Variants in PKIB observed in about 807,000 individuals in gnomAD.
PKIB encodes cAMP-dependent protein kinase inhibitor beta.
A neutral mutation model predicts 4.5 loss-of-function variants in PKIB; 2 were observed. That is an observed-to-expected ratio of 0.44 (90% CI 0.18 to 1.39). PKIB has a LOEUF of 1.39. Among genes scored for constraint, PKIB ranks in the 40% most tolerant of loss-of-function variants. PKIB has a pLI of 0.27. For missense variants in PKIB, 94 were observed against 92.6 expected, an observed-to-expected ratio of 1.02 and a Z score of -0.06; for synonymous variants, 38 against 36.0, an observed-to-expected ratio of 1.06 and a Z score of -0.20.
intron 2 of PKIB, among the ~76,000 whole-genome samples, chr6:122,550,590 T>C (rs1772648624): frequency 6.6e-6 from 1 of 152,204 alleles, no homozygotes. Flanking sequence ...AATATCATTC[T>C]TATCAGGTAA....
upstream of PKIB, among the ~76,000 whole-genome samples, chr6:122,608,157 T>C (rs993517043): frequency 1.3e-5 from 2 of 152,210 alleles, no homozygotes; most frequent in Non-Finnish European, 2.9e-5. Flanking sequence ...CTACAACTTA[T>C]CTCTCTCATT....
At chr6:122,539,017 T>C (rs1286034479) in intron 2 of PKIB, among the ~76,000 whole-genome samples, 2 of 152,096 alleles carry the variant, frequency 1.3e-5, no homozygotes, top group African/African-American at 4.8e-5. Context: ...CTTCTGATTT[T>C]TGTACATTGA....
rs550118671 is a variant in PKIB, at chr6:122,694,705, A to G, written c.-9+19561A>G. On this transcript the variant is annotated intron_variant, in intron 3 of 4. Transcript: ENST00000368452. ...GATGGCAAAGCTATAAAAAGAAAAT[A>G]TCCAAAGCTCATAAAAAAATTCGAA... is the stretch of plus-strand genomic sequence containing the variant. Among the ~76,000 whole-genome samples, 3 of 152,348 alleles carry G rather than the reference A, an allele frequency of 2.0e-5. No individual in the cohort carries two copies. The South Asian group carries it at 6.2e-4, about 32-fold the overall frequency.
intron 2 of PKIB, among the ~76,000 whole-genome samples, chr6:122,540,844 G>A (rs1429744166): frequency 6.6e-6 from 1 of 150,866 alleles, no homozygotes; most frequent in Non-Finnish European, 1.5e-5. Context: ...CTCAGGACTT[G>A]CTTTATGAAT....
At position 122,489,171 on chromosome 6, in the gene PKIB, A is replaced by AT. The variant is rs202230318; in HGVS notation, c.-248+11239dup. On this transcript the variant is annotated intron_variant, in intron 2 of 6. Transcript: ENST00000392491. ...GACAGGAAGTAAAAAGAATTAATAGATTTTTTTAAAGAAGGGGGAAAAATA... is the reference window on the plus strand; with the variant it reads ...GACAGGAAGTAAAAAGAATTAATAGATTTTTTTTAAAGAAGGGGGAAAAATA... Among the ~76,000 whole-genome samples the AT allele has an allele frequency of 5.0e-3, 763 of 152,034 alleles. 7 individuals carry two copies. Among genetic ancestry groups the AT allele is most frequent in the African/African-American group, 0.017 (709 of 41,494 alleles).
intron 2 of PKIB, among the ~76,000 whole-genome samples, chr6:122,650,822 T>C (rs1376510354): frequency 1.3e-5 from 2 of 152,226 alleles, no homozygotes; most frequent in African/African-American, 4.8e-5. Context: ...AAATTTATTC[T>C]ACTATTTCGA....
At chr6:122,529,999 C>T (rs181115515) in intron 2 of PKIB, among the ~76,000 whole-genome samples, 2 of 152,086 alleles carry the variant, frequency 1.3e-5, no homozygotes, top group East Asian at 3.9e-4. Flanking sequence ...CTATTTTCAG[C>T]CATTATTTTT....
intron 2 of PKIB, among the ~76,000 whole-genome samples, chr6:122,582,461 A>G (rs1773730674): frequency 6.6e-6 from 1 of 152,114 alleles, no homozygotes; most frequent in Admixed American, 6.6e-5. Flanking sequence ...CCATAATGTG[A>G]CATTAAACAT....
intron 2 of PKIB, among the ~76,000 whole-genome samples, chr6:122,531,595 C>T (rs1467031152): frequency 6.6e-6 from 1 of 152,132 alleles, no homozygotes; most frequent in African/African-American, 2.4e-5. Flanking sequence ...ATTTCCTATG[C>T]TGCCTTCTCC....
chr6:122,499,921 C>A lies in PKIB; in HGVS notation c.-248+21982C>A, dbSNP rs113534976. Reference sequence around the variant, plus strand: ...GTAGCAATAACATTTAAGTGGAGATCCAACTCAAGAATGCAATTCCATTTA... The same window carrying A: ...GTAGCAATAACATTTAAGTGGAGATACAACTCAAGAATGCAATTCCATTTA... On this transcript the variant is annotated intron_variant, in intron 2 of 6. Transcript: ENST00000392491. 5.8e-4 allele frequency among the ~76,000 whole-genome samples: 88 copies of A among 152,126 alleles called. 1 individual carries two copies. Among genetic ancestry groups the A allele is most frequent in the Middle Eastern group, 3.4e-3 (1 of 294 alleles).
At chr6:122,697,711 G>A (rs919428189) in intron 3 of PKIB, among the ~76,000 whole-genome samples, 1 of 152,120 alleles carries the variant, frequency 6.6e-6, no homozygotes, top group African/African-American at 2.4e-5. Context: ...AATTAAAGTA[G>A]CTGCCTGGGG....
At chr6:122,537,647 A>G (rs1777448506) in intron 2 of PKIB, among the ~76,000 whole-genome samples, 1 of 152,158 alleles carries the variant, frequency 6.6e-6, no homozygotes, top group African/African-American at 2.4e-5. Context: ...ATACGTGTGC[A>G]TGTGTCTTTA....
chr6:122,613,864 G>A (rs1245588750), intron 1 of PKIB, among the ~76,000 whole-genome samples: 2 of 150,828 alleles, frequency 1.3e-5, no homozygotes, highest in Non-Finnish European at 2.9e-5. Flanking sequence ...TTGGGAGGCC[G>A]AGGTAGGAGT....
At chr6:122,683,139 G>A (rs1328241927) in intron 3 of PKIB, among the ~76,000 whole-genome samples, 1 of 152,114 alleles carries the variant, frequency 6.6e-6, no homozygotes, top group African/African-American at 2.4e-5. Context: ...AAATTTGGCA[G>A]TTATGGAATT....
intron 3 of PKIB, among the ~76,000 whole-genome samples, chr6:122,595,288 G>A (rs916383796): frequency 6.6e-6 from 1 of 152,112 alleles, no homozygotes; most frequent in Non-Finnish European, 1.5e-5. Flanking sequence ...TCACGTAGTT[G>A]GCATTGTAAT....
chr6:122,620,955 C>T (rs758078017), intron 1 of PKIB, among the ~76,000 whole-genome samples: 2 of 152,090 alleles, frequency 1.3e-5, no homozygotes, highest in Non-Finnish European at 2.9e-5. Flanking sequence ...ATCCAGACCA[C>T]CTTTTGATGA....
At chr6:122,497,701 AC>A (rs1776115626) in intron 2 of PKIB, among the ~76,000 whole-genome samples, 3 of 152,216 alleles carry the variant, frequency 2.0e-5, no homozygotes, top group Admixed American at 6.5e-5. Context: ...ACAATGGAGC[AC>A]CCAAATTAAT....
chr6:122,637,072 C>T (rs1775944035), intron 2 of PKIB, among the ~76,000 whole-genome samples: 1 of 152,022 alleles, frequency 6.6e-6, no homozygotes, highest in South Asian at 2.1e-4. Context: ...TTGATAAAAG[C>T]AGAACAATGA....
chr6:122,702,078 G>A (rs1778833076), intron 3 of PKIB, among the ~76,000 whole-genome samples: 1 of 152,116 alleles, frequency 6.6e-6, no homozygotes, highest in Admixed American at 6.5e-5. Flanking sequence ...AAGGAGACTT[G>A]CCAGTCTTGA....
Sources: allele counts gnomAD v4.1 joint callset (sites outside exome capture counted in the v4.1 genomes callset), GRCh38; gene constraint gnomAD v4.1.1; transcripts MANE v1.5; gene names NCBI Gene and HGNC (gene_info 2026-07-23, HGNC 2026-07-21).